The following KLHL29 variants were observed in gnomAD, a reference collection of about 807,000 sequenced individuals.
KLHL29 encodes the protein kelch like family member 29, also known as kelch-like protein 29.
Under a neutral mutation model 80.4 loss-of-function variants are expected in KLHL29, and 21 were observed. The ratio of observed to expected loss-of-function variants is 0.26; its 90% CI spans 0.19 to 0.38. The LOEUF (loss-of-function observed/expected upper bound fraction) is 0.38. Among genes scored for constraint, KLHL29 ranks in the 10% least tolerant of loss-of-function variants. The pLI is 1.00. For synonymous variants in KLHL29, 511 were observed against 526.8 expected (o/e 0.97, Z 0.41); for missense variants, 867 against 1,223.9 (o/e 0.71, Z 4.35).
At chr2:23,568,035 A>G (rs1054934411) in intron 3 of KLHL29, among the ~76,000 whole-genome samples, 7 of 152,192 alleles carry the variant, frequency 4.6e-5, no homozygotes, top group African/African-American at 1.7e-4. Flanking sequence ...GTCAGTCACA[A>G]AGTGTGTACA....
At chr2:23,437,906 G>A (rs1663391456) in intron 1 of KLHL29, among the ~76,000 whole-genome samples, 1 of 152,120 alleles carries the variant, frequency 6.6e-6, no homozygotes, top group Non-Finnish European at 1.5e-5. Context: ...TGGGCAGTAT[G>A]GCCATTTTCG....
rs33915683 is a variant in KLHL29, at chr2:23,520,992, A to ACCC, written c.-45-41151_-45-41149dup. Among the ~76,000 whole-genome samples, 89 of 91,198 alleles carry ACCC rather than the reference A, an allele frequency of 9.8e-4. 2 individuals are homozygous for ACCC. Among genetic ancestry groups the ACCC allele is most frequent in the African/African-American group, 2.9e-3 (82 of 28,182 alleles). The allele number at this position is 91,198 out of a possible 152,430, so 59.8% of individuals were successfully genotyped here. A position where few individuals can be genotyped will look rare whatever the true frequency, so the allele number is the denominator to read the frequency against. On this transcript the variant is annotated intron_variant, in intron 2 of 13. Transcript: ENST00000486442. ...TTACTGCTTTCATTTTACAAAGACC[A>ACCC]CCCCCCCCCCCGCTCCCCCTCAGGG... is the stretch of plus-strand genomic sequence containing the variant.
chr2:23,676,120 C>T (rs1020370462), intron 5 of KLHL29, among the ~76,000 whole-genome samples: 3 of 152,088 alleles, frequency 2.0e-5, no homozygotes, highest in Non-Finnish European at 4.4e-5. Context: ...CTCATGGGAC[C>T]ACAGGAGAGA....
At position 23,682,140 on chromosome 2, in the gene KLHL29, G is replaced by GCCCCACGGGGT. The variant is rs1295730281; in HGVS notation, c.941-2256_941-2246dup. Among the ~76,000 whole-genome samples the GCCCCACGGGGT allele has an allele frequency of 2.0e-5, 3 of 152,212 alleles. No individual in the cohort carries two copies. In the East Asian group the frequency reaches 5.8e-4, roughly 29 times the overall value. On this transcript the variant is annotated intron_variant, in intron 5 of 13. Transcript: ENST00000486442. The surrounding 1 kb of genome is among the most constrained non-coding windows in gnomAD (Gnocchi z 4.1). ...CCTCCCCACTTCCTTCCTGCACTGA[G>GCCCCACGGGGT]CCCCACGGGGTCCACACGCTCCTGT... is the stretch of plus-strand genomic sequence containing the variant.
intron 5 of KLHL29, chr2:23,643,257 A>G (rs1669829267): frequency 2.7e-6 from 1 of 370,132 alleles, no homozygotes; most frequent in African/African-American, 2.1e-5. Context: ...TCCACATTCC[A>G]TCCATGAGGA....
intron 5 of KLHL29, among the ~76,000 whole-genome samples, chr2:23,671,432 G>C (rs570816514): frequency 7.2e-5 from 11 of 152,102 alleles, no homozygotes; most frequent in East Asian, 1.9e-4. Flanking sequence ...GAAAGATTAG[G>C]TCTCCAGGAA....
intron 2 of KLHL29, among the ~76,000 whole-genome samples, chr2:23,519,619 AT>A (rs1347265621): frequency 6.6e-6 from 1 of 152,078 alleles, no homozygotes; most frequent in Non-Finnish European, 1.5e-5. Flanking sequence ...TAGAAAGTTT[AT>A]TTTGCCAAGT....
chr2:23,572,382 A>C (rs953125973), intron 3 of KLHL29, among the ~76,000 whole-genome samples: 1 of 152,128 alleles, frequency 6.6e-6, no homozygotes, highest in Non-Finnish European at 1.5e-5. Context: ...ATTTTTTGCT[A>C]TTGTTTCTCT....
At chr2:23,666,142 G>A (rs1224248416) in intron 5 of KLHL29, among the ~76,000 whole-genome samples, 3 of 152,186 alleles carry the variant, frequency 2.0e-5, no homozygotes, top group Non-Finnish European at 4.4e-5. Context: ...CACCTACCCT[G>A]CACAACAAAC....
chr2:23,483,148 G>A (rs1336848607), intron 2 of KLHL29, among the ~76,000 whole-genome samples: 4 of 152,262 alleles, frequency 2.6e-5, no homozygotes, highest in South Asian at 2.1e-4. Context: ...GGGTATCACA[G>A]TGACCATATG....
At chr2:23,544,990 ACTCTGGCTG>A (rs1169469968) in intron 2 of KLHL29, among the ~76,000 whole-genome samples, 1 of 152,086 alleles carries the variant, frequency 6.6e-6, no homozygotes, top group Non-Finnish European at 1.5e-5. Context: ...TAACAGGATC[ACTCTGGCTG>A]CTGGGTGGAG....
At chr2:23,621,105 G>A (rs1431111075) in intron 3 of KLHL29, among the ~76,000 whole-genome samples, 1 of 152,222 alleles carries the variant, frequency 6.6e-6, no homozygotes, top group Non-Finnish European at 1.5e-5. Flanking sequence ...CCGGTCCCCT[G>A]GCAGAGAAGC....
intron 5 of KLHL29, chr2:23,670,170 G>T (rs1572481911): frequency 6.6e-6 from 1 of 152,246 alleles, no homozygotes; most frequent in East Asian, 1.9e-4. Flanking sequence ...GGGAAAGGCG[G>T]CGGCTCCACC....
At chr2:23,548,288 C>A (rs1466196110) in intron 2 of KLHL29, among the ~76,000 whole-genome samples, 1 of 151,070 alleles carries the variant, frequency 6.6e-6, no homozygotes, top group Non-Finnish European at 1.5e-5. Context: ...GGCGCACACA[C>A]ACAAACACAC....
intron 5 of KLHL29, among the ~76,000 whole-genome samples, chr2:23,663,134 GCTCCTCGCTA>G (rs1325532959): frequency 6.6e-6 from 1 of 152,214 alleles, no homozygotes; most frequent in African/African-American, 2.4e-5. Flanking sequence ...GCTCCTCGCT[GCTCCTCGCTA>G]CTCCCAGCCC....
chr2:23,560,344 C>T (rs1410032621), intron 2 of KLHL29, among the ~76,000 whole-genome samples: 4 of 139,288 alleles, frequency 2.9e-5, no homozygotes, highest in African/African-American at 1.1e-4. Context: ...GATCTCAGCT[C>T]ACTGCAACCT....
chr2:23,451,805 T>C (rs1663887109), intron 1 of KLHL29, among the ~76,000 whole-genome samples: 1 of 152,186 alleles, frequency 6.6e-6, no homozygotes, highest in Non-Finnish European at 1.5e-5. Flanking sequence ...GTCCATTCTT[T>C]AGTTGCTATA....
Position 23,477,850 on chromosome 2 carries a change from T to TGAAGG in KLHL29, c.-46+2187_-46+2191dup, listed in dbSNP as rs1344590449. On this transcript the variant is annotated intron_variant, in intron 2 of 13. Transcript: ENST00000486442. The stretch of plus-strand genomic sequence containing the variant: ...GATGCACCTGTGAGTTTGGCAAGAG[T>TGAAGG]GAAGGGAACAGAGACACCCCAGGGC... 2.0e-5 allele frequency among the ~76,000 whole-genome samples: 3 copies of TGAAGG among 152,138 alleles called. No homozygotes were observed. The East Asian group carries it at 5.8e-4, about 29-fold the overall frequency.
chr2:23,581,778 A>G (rs999546659), intron 3 of KLHL29, among the ~76,000 whole-genome samples: 4 of 144,622 alleles, frequency 2.8e-5, no homozygotes, highest in Non-Finnish European at 4.5e-5. Flanking sequence ...CAGTGAGCCA[A>G]GACCACACCA....
Sources: allele counts gnomAD v4.1 joint callset (sites outside exome capture counted in the v4.1 genomes callset), GRCh38; gene constraint gnomAD v4.1.1; non-coding constraint Gnocchi (gnomAD v3.1); transcripts MANE v1.5; gene names NCBI Gene and HGNC (gene_info 2026-07-23, HGNC 2026-07-21).